The following PLD5 variants were observed in gnomAD, a reference collection of about 807,000 sequenced individuals.
PLD5 encodes the protein inactive phospholipase D5.
Under a neutral mutation model 61.1 loss-of-function variants are expected in PLD5, and 36 were observed. That is an observed-to-expected ratio of 0.59 (90% confidence interval 0.45 to 0.78). PLD5 has a LOEUF of 0.78. Among genes scored for constraint, PLD5 ranks in the 30% least tolerant of loss-of-function variants. The probability of loss-of-function intolerance (pLI) is 0.00; values close to 1 mark genes in which losing one functional copy is unlikely to be tolerated. For missense variants in PLD5, 515 were observed against 644.4 expected (o/e 0.80, Z 2.17); for synonymous variants, 243 against 242.8 (o/e 1.00, Z -0.01).
Position 242,309,451 on chromosome 1 carries a change from T to A in PLD5, c.327-20921A>T, listed in dbSNP as rs114125433. Among the ~76,000 whole-genome samples, 947 of 151,144 alleles carry A rather than the reference T, an allele frequency of 6.3e-3. 13 individuals are homozygous for A. The highest frequency in any genetic ancestry group is 0.022 in the African/African-American group (914 of 41,166). ...TGCCCAAGCTGGAGTGCAATGGCAC[T>A]AAACCTCTGCCTCCTGGGTTCAAGC... On this transcript the variant is annotated intron_variant, in intron 2 of 9. Transcript: ENST00000536534.
At chr1:242,395,053 A>ATG in intron 1 of PLD5, among the ~76,000 whole-genome samples, 1 of 95,312 alleles carries the variant, frequency 1.0e-5, no homozygotes, top group Non-Finnish European at 2.0e-5. Context: ...GTATATATGA[A>ATG]TATATATGTA....
intron 5 of PLD5, among the ~76,000 whole-genome samples, chr1:242,182,490 A>G (rs1264287295): frequency 6.6e-6 from 1 of 152,152 alleles, no homozygotes; most frequent in Non-Finnish European, 1.5e-5. Context: ...TGTCATCTTC[A>G]CTTTGTGATG....
chr1:242,305,955 A>AG (rs35375313), intron 2 of PLD5, among the ~76,000 whole-genome samples: 4 of 152,268 alleles, frequency 2.6e-5, no homozygotes, highest in East Asian at 3.9e-4. Flanking sequence ...ACAACTGGAA[A>AG]GGGGGGGAAG....
At chr1:242,495,139 A>G (rs1668327697) in intron 1 of PLD5, among the ~76,000 whole-genome samples, 1 of 152,068 alleles carries the variant, frequency 6.6e-6, no homozygotes, top group African/African-American at 2.4e-5. Context: ...GATGACATAA[A>G]CTAGATTTTG....
intron 2 of PLD5, among the ~76,000 whole-genome samples, chr1:242,297,376 C>T (rs1196398598): frequency 3.4e-5 from 5 of 145,392 alleles, no homozygotes; most frequent in South Asian, 2.2e-4. Flanking sequence ...AGGAAAGCTT[C>T]CCCCCTTTTC....
chr1:242,304,659 T>C (rs1357838182), intron 2 of PLD5, among the ~76,000 whole-genome samples: 3 of 152,248 alleles, frequency 2.0e-5, no homozygotes, highest in Non-Finnish European at 4.4e-5. Context: ...TTAACAAATC[T>C]AAATTTGAAT....
chr1:242,122,013 A>G (rs890977999), intron 6 of PLD5, among the ~76,000 whole-genome samples: 3 of 152,172 alleles, frequency 2.0e-5, no homozygotes, highest in Admixed American at 6.5e-5. Context: ...TGGGTGCAGC[A>G]CACCAACATG....
intron 1 of PLD5, among the ~76,000 whole-genome samples, chr1:242,492,359 A>AG (rs113877157): frequency 6.6e-6 from 1 of 151,860 alleles, no homozygotes; most frequent in Non-Finnish European, 1.5e-5. Context: ...TAAAAAAAAA[A>AG]CAAATACTAA....
intron 1 of PLD5, among the ~76,000 whole-genome samples, chr1:242,372,929 C>G (rs557402342): frequency 1.3e-5 from 2 of 152,210 alleles, no homozygotes; most frequent in South Asian, 4.1e-4. Flanking sequence ...CAACAAAAGC[C>G]AGAATTGACA....
intron 1 of PLD5, among the ~76,000 whole-genome samples, chr1:242,476,390 C>A (rs1007362022): frequency 6.6e-6 from 1 of 151,892 alleles, no homozygotes; most frequent in Non-Finnish European, 1.5e-5. Flanking sequence ...GAAAACCCCC[C>A]CAAATGGAGC....
chr1:242,172,949 G>C (rs1666855755), intron 5 of PLD5, among the ~76,000 whole-genome samples: 1 of 152,018 alleles, frequency 6.6e-6, no homozygotes, highest in Non-Finnish European at 1.5e-5. Flanking sequence ...TCTACCAGAG[G>C]TACAAAGAGG....
chr1:242,204,399 G>T (rs1669189608), intron 5 of PLD5, among the ~76,000 whole-genome samples: 1 of 152,142 alleles, frequency 6.6e-6, no homozygotes, highest in Non-Finnish European at 1.5e-5. Flanking sequence ...TCCTTCAAGG[G>T]ATACGGCCAC....
intron 1 of PLD5, among the ~76,000 whole-genome samples, chr1:242,471,033 G>C (rs1203125095): frequency 6.6e-6 from 1 of 152,220 alleles, no homozygotes; most frequent in African/African-American, 2.4e-5. Context: ...TGAGCAGTGA[G>C]AGAGTCCAAG....
intron 3 of PLD5, among the ~76,000 whole-genome samples, chr1:242,287,843 C>T (rs1302922888): frequency 6.6e-6 from 1 of 152,162 alleles, no homozygotes; most frequent in African/African-American, 2.4e-5. Flanking sequence ...AAGAGATAAG[C>T]ATATTTCTTT....
chr1:242,229,774 A>G (rs911790837), intron 4 of PLD5, among the ~76,000 whole-genome samples: 8 of 152,100 alleles, frequency 5.3e-5, no homozygotes, highest in African/African-American at 1.7e-4. Context: ...TTTGCTTTCT[A>G]GATTCCTTGG....
rs185693646 is a variant in PLD5, at chr1:242,218,632, A to G, written c.735+1356T>C. Among the ~76,000 whole-genome samples the G allele has an allele frequency of 2.0e-5, 3 of 152,360 alleles. No homozygotes were observed. In the East Asian group the frequency reaches 5.8e-4, roughly 29 times the overall value. On this transcript the variant is annotated intron_variant, in intron 5 of 9. Transcript: ENST00000536534. ...TGCATTGTTAGATTTTGTTAAAGAA[A>G]AGGGTGACAGAGAAAATCTGTAACT...
chr1:242,136,931 G>A (rs187966980), intron 5 of PLD5, among the ~76,000 whole-genome samples: 42 of 152,298 alleles, frequency 2.8e-4, no homozygotes, highest in African/African-American at 9.9e-4. Flanking sequence ...ATAAAATACA[G>A]AACATTTCAC....
At chr1:242,370,847 C>A (rs1005459618) in intron 1 of PLD5, among the ~76,000 whole-genome samples, 2 of 151,984 alleles carry the variant, frequency 1.3e-5, no homozygotes, top group African/African-American at 4.8e-5. Context: ...CTATTTTGGC[C>A]ATCTGTATTC....
chr1:242,392,361 C>T (rs983160822), intron 1 of PLD5, among the ~76,000 whole-genome samples: 1 of 152,150 alleles, frequency 6.6e-6, no homozygotes, highest in African/African-American at 2.4e-5. Context: ...CAGTGTTACT[C>T]TATACTCCCT....
Sources: gnomAD v4.1 joint callset for allele counts (sites outside exome capture counted in the v4.1 genomes callset) on GRCh38, gnomAD v4.1.1 for gene constraint, MANE v1.5 for transcripts, NCBI Gene and HGNC (gene_info 2026-07-23, HGNC 2026-07-21) for gene names.